The following KDM6A variants were observed in gnomAD, a reference collection of about 807,000 sequenced individuals.
The protein encoded by KDM6A is lysine-specific demethylase 6A.
In KDM6A, 11 loss-of-function variants were observed where a neutral mutation model predicts 117.6. That is an observed-to-expected ratio of 0.09 (90% CI 0.06 to 0.15). KDM6A has a LOEUF of 0.15. Among genes scored for constraint, KDM6A ranks in the 10% least tolerant of loss-of-function variants. The probability of loss-of-function intolerance (pLI) is 1.00; values close to 1 mark genes in which losing one functional copy is unlikely to be tolerated. For synonymous variants in KDM6A, 384 were observed against 396.1 expected (o/e 0.97, Z 0.36); for missense variants, 799 against 1,077.3 (o/e 0.74, Z 3.62).
chrX:44,979,772 T>C (rs769495337), intron 4 of KDM6A, among the ~76,000 whole-genome samples: 2 of 108,685 alleles, frequency 1.8e-5, no homozygotes, highest in South Asian at 8.3e-4. Flanking sequence ...CCCCAATAGC[T>C]ACCTAGTTTT....
At chrX:45,075,118 T>A (rs760908129) in intron 18 of KDM6A, among the ~76,000 whole-genome samples, 3 of 112,093 alleles carry the variant, frequency 2.7e-5, no homozygotes, top group East Asian at 5.5e-4. Flanking sequence ...AGACAGTTTC[T>A]GTATTCTGAG....
chrX:45,068,985 T>A (rs1467252865), intron 17 of KDM6A, among the ~76,000 whole-genome samples: 2 of 110,644 alleles, frequency 1.8e-5, no homozygotes, highest in Admixed American at 1.9e-4. Flanking sequence ...CATAAGCCAC[T>A]GCACCAAGCC....
intron 6 of KDM6A, among the ~76,000 whole-genome samples, chrX:45,027,993 C>T (rs1188479075): frequency 1.8e-5 from 2 of 109,734 alleles, no homozygotes; most frequent in Admixed American, 9.7e-5. Flanking sequence ...GGGGTTTCAT[C>T]GTATGGTCAG....
chrX:44,890,323 C>T (rs1403013314), intron 2 of KDM6A, among the ~76,000 whole-genome samples: 2 of 112,198 alleles, frequency 1.8e-5, no homozygotes, highest in Non-Finnish European at 1.9e-5. Flanking sequence ...GAGTTATTTC[C>T]GGTTTTTGGC....
intron 4 of KDM6A, among the ~76,000 whole-genome samples, chrX:44,986,334 A>G (rs1230142468): frequency 5.4e-5 from 6 of 110,649 alleles, no homozygotes; most frequent in Non-Finnish European, 1.1e-4. Context: ...AGGTCTATCA[A>G]TTTTGTTGAT....
At chrX:44,901,415 C>T (rs1056204405) in intron 2 of KDM6A, among the ~76,000 whole-genome samples, 22 of 110,709 alleles carry the variant, frequency 2.0e-4, no homozygotes, top group African/African-American at 6.6e-4. Flanking sequence ...TGGTTTGTCA[C>T]GGATAGTGTT....
At chrX:44,998,741 T>G (rs2040989812) in intron 4 of KDM6A, among the ~76,000 whole-genome samples, 1 of 111,841 alleles carries the variant, frequency 8.9e-6, no homozygotes, top group African/African-American at 3.2e-5. Context: ...TTGTAATATT[T>G]TGGCATGGTT....
chrX:44,967,124 C>T, intron 3 of KDM6A, among the ~76,000 whole-genome samples: 1 of 111,332 alleles, frequency 9.0e-6, no homozygotes, highest in Non-Finnish European at 1.9e-5. Flanking sequence ...CCTGCTTTGG[C>T]CTCCCAAAGT....
At chrX:45,008,534 A>G (rs961068269) in intron 4 of KDM6A, among the ~76,000 whole-genome samples, 2 of 110,939 alleles carry the variant, frequency 1.8e-5, no homozygotes, top group African/African-American at 6.6e-5. Context: ...TCAAATCTTG[A>G]CTTTTTAGGT....
chrX:44,901,249 C>T lies in KDM6A; in HGVS notation c.225+27262C>T, dbSNP rs1043500220. On this transcript the variant is annotated intron_variant, in intron 2 of 29. Coordinates refer to ENST00000611820, the MANE Select transcript of KDM6A (RefSeq NM_001291415.2). The stretch of plus-strand genomic sequence containing the variant: ...TACAAAAATTAGCCAGGCGTAGTGG[C>T]AGGCACCTGTAATCTCAGCTGCTCG... Among the ~76,000 whole-genome samples the T allele has an allele frequency of 2.7e-5, 3 of 110,499 alleles. No individual in the cohort carries two copies. The East Asian group carries it at 8.5e-4, about 31-fold the overall frequency.
At chrX:44,974,503 C>T (rs994512926) in intron 3 of KDM6A, among the ~76,000 whole-genome samples, 163 bp from the exon 4 acceptor site, 1 of 110,724 alleles carries the variant, frequency 9.0e-6, no homozygotes, top group Non-Finnish European at 1.9e-5. Context: ...CATGGTTTTA[C>T]GTTTCTGAAC....
chrX:45,050,087 C>T (rs1245920982), intron 8 of KDM6A, among the ~76,000 whole-genome samples: 1 of 112,986 alleles, frequency 8.9e-6, no homozygotes, highest in Non-Finnish European at 1.9e-5. Flanking sequence ...CGCCTGTAAT[C>T]CCAACACTTT....
intron 2 of KDM6A, among the ~76,000 whole-genome samples, chrX:44,941,015 A>G (rs1359774385): frequency 7.2e-5 from 8 of 111,690 alleles, no homozygotes; most frequent in Non-Finnish European, 1.5e-4. Context: ...AGCCTGGGCA[A>G]TAAGACCGAA....
chrX:45,043,763 G>A (rs781007530), intron 8 of KDM6A, among the ~76,000 whole-genome samples: 7 of 110,776 alleles, frequency 6.3e-5, no homozygotes, highest in Non-Finnish European at 1.3e-4. Flanking sequence ...GGATGACAGA[G>A]TGAGACTGTT....
intron 2 of KDM6A, among the ~76,000 whole-genome samples, chrX:44,883,411 C>T (rs1602042885): frequency 9.2e-6 from 1 of 109,035 alleles, no homozygotes; most frequent in Non-Finnish European, 1.9e-5. Flanking sequence ...CTCGCTCTGT[C>T]GTCCAGGCTG....
chrX:44,873,369 T>TGCCGCCGCCGCC lies in KDM6A; in HGVS notation c.-176_-165dup, dbSNP rs762577042. 3.5e-6 allele frequency: 2 copies of TGCCGCCGCCGCC among 566,433 alleles called. No individual in the cohort carries two copies. Among genetic ancestry groups the TGCCGCCGCCGCC allele is most frequent in the African/African-American group, 2.7e-5 (1 of 37,650 alleles). The allele number at this position is 566,433 out of a possible 1,213,427, so 46.7% of individuals were successfully genotyped here. A position where few individuals can be genotyped will look rare whatever the true frequency, so the allele number is the denominator to read the frequency against. ...GCCGACCCGGGGGCTCCGCAGCCCCTGCCGCCGCCGCCGCCGCCTTCACCG... is the reference window on the plus strand; with the variant it reads ...GCCGACCCGGGGGCTCCGCAGCCCCTGCCGCCGCCGCCGCCGCCGCCGCCGCCGCCTTCACCG... On this transcript the variant is annotated 5_prime_UTR_variant, in exon 1 of 30. Coordinates refer to ENST00000611820, the MANE Select transcript of KDM6A (RefSeq NM_001291415.2).
chrX:44,877,670 A>G (rs1396328315), intron 2 of KDM6A, among the ~76,000 whole-genome samples: 1 of 110,040 alleles, frequency 9.1e-6, no homozygotes, highest in Non-Finnish European at 1.9e-5. Flanking sequence ...GGACTGGGGA[A>G]TCTTATCTGC....
chrX:44,995,442 A>G (rs937541785), intron 4 of KDM6A, among the ~76,000 whole-genome samples: 2 of 111,046 alleles, frequency 1.8e-5, no homozygotes, highest in Non-Finnish European at 3.8e-5. Context: ...AGGAAATATA[A>G]ATGAAATTGT....
At chrX:44,927,487 T>G (rs1299076249) in intron 2 of KDM6A, among the ~76,000 whole-genome samples, 1 of 110,730 alleles carries the variant, frequency 9.0e-6, no homozygotes, top group Non-Finnish European at 1.9e-5. Flanking sequence ...GGAACAGCCA[T>G]AGTAGACCTT....
Sources: gnomAD v4.1 joint callset for allele counts (sites outside exome capture counted in the v4.1 genomes callset) on GRCh38, gnomAD v4.1.1 for gene constraint, MANE v1.5 for transcripts, NCBI Gene and HGNC (gene_info 2026-07-23, HGNC 2026-07-21) for gene names.